Variants in SELP observed in about 807,000 individuals in gnomAD.
The protein encoded by SELP is P-selectin.
SELP carries 92 observed loss-of-function variants against 104.1 expected under a neutral mutation model. The ratio of observed to expected loss-of-function variants is 0.88; its 90% CI spans 0.75 to 1.05. SELP has a LOEUF of 1.05. Among genes scored for constraint, SELP ranks in the 50% least tolerant of loss-of-function variants. The pLI, the probability that SELP is intolerant of heterozygous loss-of-function variation, is 0.00. For synonymous variants in SELP, 397 were observed against 364.5 expected (o/e 1.09, Z -1.01); for missense variants, 1,022 against 1,017.3 (o/e 1.00, Z -0.06).
Position 169,607,083 on chromosome 1 carries a change from G to A in SELP, c.1385C>T (p.Ser462Phe). 1.2e-6 allele frequency: 2 copies of A among 1,611,432 alleles called. No individual in the cohort carries two copies. Among genetic ancestry groups the A allele is most frequent in the Non-Finnish European group, 1.7e-6 (2 of 1,177,870 alleles). Residue 462 changes from serine (S) to phenylalanine (F), a missense_variant, in exon 9 of 17, where the codon TCC becomes TTC. Coordinates refer to ENST00000263686, the MANE Select transcript of SELP (RefSeq NM_003005.4). ...PVPNEARVNC[S>F]HPFGAFRYQS... is the part of the protein sequence containing the mutation. ...GTACCTAAAGGCACCGAAGGGGTGG[G>A]AGCAGTTCACCCGGGCCTCATTTGG...
chr1:169,604,576 C>G (rs1302176345), intron 9 of SELP, among the ~76,000 whole-genome samples: 3 of 152,222 alleles, frequency 2.0e-5, no homozygotes, highest in Non-Finnish European at 4.4e-5. Context: ...GTTTCAAGAA[C>G]ACTTTCTACG....
intron 10 of SELP, among the ~76,000 whole-genome samples, chr1:169,602,385 G>C (rs183728148): frequency 6.6e-6 from 1 of 152,192 alleles, no homozygotes; most frequent in Non-Finnish European, 1.5e-5. Flanking sequence ...ATGTAGGAAT[G>C]AAGAAATGAA....
intron 1 of SELP, among the ~76,000 whole-genome samples, chr1:169,628,925 A>T (rs560108992): frequency 2.0e-5 from 3 of 152,236 alleles, no homozygotes; most frequent in Non-Finnish European, 4.4e-5. Context: ...CCCAACACAG[A>T]AACCCACATT....
rs2101853289 is a variant in SELP at position 169,589,219 on chromosome 1, A to G, written c.*244T>C. Reference sequence around the variant, plus strand: ...GCTCCAGTCTCTTTGGTTCACTGGTATTTCAAGTAACAGGTGAGTCAAAGC... The same window carrying G: ...GCTCCAGTCTCTTTGGTTCACTGGTGTTTCAAGTAACAGGTGAGTCAAAGC... On this transcript the variant is annotated 3_prime_UTR_variant, in exon 17 of 17. Coordinates refer to ENST00000263686, the MANE Select transcript of SELP (RefSeq NM_003005.4). The G allele has an allele frequency of 6.6e-6, 1 of 152,330 alleles. No homozygotes were observed. Among genetic ancestry groups the G allele is most frequent in the East Asian group, 1.9e-4 (1 of 5,184 alleles). The allele number at this position is 152,330 out of a possible 1,614,324, so 9.4% of individuals were successfully genotyped here.
chr1:169,616,533 T>A (rs1662820275), intron 3 of SELP, among the ~76,000 whole-genome samples: 1 of 152,190 alleles, frequency 6.6e-6, no homozygotes, highest in African/African-American at 2.4e-5. Context: ...AAATGACACA[T>A]GAACTAAATA....
At chr1:169,591,117 G>A (rs1436765796) in intron 15 of SELP, among the ~76,000 whole-genome samples, 9 of 152,154 alleles carry the variant, frequency 5.9e-5, no homozygotes, top group South Asian at 2.1e-4. Context: ...GTCCACCTGC[G>A]TGGGCGTTGC....
At chr1:169,600,921 C>T (rs1181513335) in intron 10 of SELP, among the ~76,000 whole-genome samples, 1 of 152,086 alleles carries the variant, frequency 6.6e-6, no homozygotes, top group Non-Finnish European at 1.5e-5. Context: ...AGGGTTGGGT[C>T]TTGACAGTGA....
chr1:169,604,329 T>G (rs199893708), intron 9 of SELP, among the ~76,000 whole-genome samples: 1 of 152,264 alleles, frequency 6.6e-6, no homozygotes, highest in East Asian at 1.9e-4. Flanking sequence ...TTGTTTGAGT[T>G]CATTGTAGAT....
rs1161964394 is a variant in SELP, at chr1:169,613,171, T to G, written c.590-57A>C. ...CCATGTAGAATTAACAGCAATGTCATGTTTGCTGAAAGCTGTAACTATTTG... is the reference window on the plus strand; with the variant it reads ...CCATGTAGAATTAACAGCAATGTCAGGTTTGCTGAAAGCTGTAACTATTTG... On this transcript the variant is annotated intron_variant, in intron 4 of 16. Coordinates refer to ENST00000263686, the MANE Select transcript of SELP (RefSeq NM_003005.4). 3 of 1,456,242 alleles carry G rather than the reference T, an allele frequency of 2.1e-6. No individual in the cohort carries two copies. The African/African-American group carries it at 4.2e-5, about 21-fold the overall frequency. 90.2% of individuals were successfully genotyped at this position (1,456,242 alleles called of 1,614,324 possible).
Position 169,591,598 on chromosome 1 carries a change from A to G in SELP, c.2408-142T>C, listed in dbSNP as rs577168688. 9 of 511,822 alleles carry G rather than the reference A, an allele frequency of 1.8e-5. No homozygotes were observed. In the African/African-American group the frequency reaches 1.8e-4, roughly 10 times the overall value. The allele number at this position is 511,822 out of a possible 1,614,324, so 31.7% of individuals were successfully genotyped here. A position where few individuals can be genotyped will look rare whatever the true frequency, so the allele number is the denominator to read the frequency against. ...TCATTATAAGGGGAATATTGGGAAC[A>G]GTTTCTCCCTGAAAGGTAGAAAGTG... On this transcript the variant is annotated intron_variant, in intron 14 of 16. Coordinates refer to ENST00000263686, the MANE Select transcript of SELP (RefSeq NM_003005.4).
intron 8 of SELP, 61 bp downstream of exon 8, chr1:169,609,443 C>G: frequency 6.7e-7 from 1 of 1,487,236 alleles, no homozygotes. Flanking sequence ...ATGCTCAGTG[C>G]AGATGCTGAT....
At chr1:169,603,303 C>CTGTGTGTGTGTG (rs1456565599) in intron 9 of SELP, 92 bp from the exon 10 acceptor site, 48 of 694,526 alleles carry the variant, frequency 6.9e-5, no homozygotes, top group Non-Finnish European at 6.2e-5. Context: ...CTCCCTCTCT[C>CTGTGTGTGTGTG]TCTCTGTGTG....
chr1:169,621,525 C>A (rs1437977698), intron 1 of SELP, among the ~76,000 whole-genome samples: 1 of 143,562 alleles, frequency 7.0e-6, no homozygotes, highest in Non-Finnish European at 1.5e-5. Flanking sequence ...ATGTGTCACG[C>A]CCAGTAGGGT....
rs1349645726 is a variant in SELP at position 169,603,097 on chromosome 1, G to A, written c.1634C>T (p.Ser545Phe). Residue 545 changes from serine to phenylalanine, a missense_variant, in exon 10 of 17, where the codon TCT (serine) becomes TTT (phenylalanine). Ser to Phe is a radical substitution (Grantham distance 155). Transcript: ENST00000263686. ...ATCCAATCTTTCTGGTCCAGACAAA[G>A]AATATCCCTCGTCACAGATGAATTG... ...TCQFICDEGY[S>F]LSGPERLDCT... 6 of 1,613,938 alleles carry A rather than the reference G, an allele frequency of 3.7e-6. No homozygotes were observed. In the African/African-American group the frequency reaches 4.0e-5, roughly 11 times the overall value.
Position 169,617,445 on chromosome 1 carries a change from G to A in SELP, c.95-31C>T, listed in dbSNP as rs377047961. Reference sequence around the variant, plus strand: ...GTAAAGGAGAGTGAGTGCCAGGTTAGTACCCCTCACCAAAAAAGAGGCCGT... The same window carrying A: ...GTAAAGGAGAGTGAGTGCCAGGTTAATACCCCTCACCAAAAAAGAGGCCGT... On this transcript the variant is annotated intron_variant, in intron 2 of 16. Transcript: ENST00000263686. 1.3e-5 allele frequency: 21 copies of A among 1,595,062 alleles called. No individual in the cohort carries two copies. The African/African-American group carries it at 2.6e-4, about 19-fold the overall frequency.
intron 9 of SELP, among the ~76,000 whole-genome samples, chr1:169,605,682 A>C (rs1379308148): frequency 6.6e-6 from 1 of 152,198 alleles, no homozygotes; most frequent in Non-Finnish European, 1.5e-5. Flanking sequence ...TTGTATATAC[A>C]TCATAAAAAT....
chr1:169,607,026 C>A lies in SELP; in HGVS notation c.1442G>T (p.Gly481Val). The change falls in exon 9 of 17, where the codon GGC (glycine) becomes GTC (valine). Residue 481 changes from glycine (G) to valine (V), a missense_variant. Coordinates refer to ENST00000263686, the MANE Select transcript of SELP (RefSeq NM_003005.4). ...CACACTTGCTCCCACCAGGAGCAAG[C>A]CTTCATTGCAGGTGAAGCTGCAGAC... ...QSVCSFTCNEGLLLVGASVLQ... is the reference protein window; with the variant it reads ...QSVCSFTCNEVLLLVGASVLQ... 6.2e-7 allele frequency: 1 copy of A among 1,613,650 alleles called. No individual in the cohort carries two copies. The highest frequency in any genetic ancestry group is 8.5e-7 in the Non-Finnish European group (1 of 1,179,672).
intron 9 of SELP, 94 bp from the exon 10 acceptor site, chr1:169,603,305 CTCTGTGTG>C (rs749782913): frequency 7.9e-4 from 514 of 647,622 alleles, no homozygotes; most frequent in Middle Eastern, 1.1e-3. Context: ...CCCTCTCTCT[CTCTGTGTG>C]TGTGTGTGTG....
intron 13 of SELP, among the ~76,000 whole-genome samples, chr1:169,594,379 A>G (rs1028541622): frequency 1.3e-5 from 2 of 152,192 alleles, no homozygotes; most frequent in Admixed American, 6.5e-5. Flanking sequence ...AGAAATCTGC[A>G]TGAAATAACT....
Sources: gnomAD v4.1 joint callset for allele counts (sites outside exome capture counted in the v4.1 genomes callset) on GRCh38, gnomAD v4.1.1 for gene constraint, MANE v1.5 for transcripts, NCBI Gene and HGNC (gene_info 2026-07-23, HGNC 2026-07-21) for gene names.